Variants in FRAS1 observed in about 807,000 individuals in gnomAD.
FRAS1 encodes Fraser extracellular matrix complex subunit 1, also known as extracellular matrix organizing protein FRAS1.
In FRAS1, 290 loss-of-function variants were observed where a neutral mutation model predicts 435.2. That is an observed-to-expected ratio of 0.67 (90% CI 0.61 to 0.73). The LOEUF is 0.73. Ranked by LOEUF, FRAS1 falls within the 30% of genes least tolerant of loss-of-function variation. The probability of loss-of-function intolerance (pLI) is 0.00; values close to 1 mark genes in which losing one functional copy is unlikely to be tolerated. For missense variants in FRAS1, 4,860 were observed against 5,001.5 expected, an observed-to-expected ratio of 0.97 and a Z score of 0.85; for synonymous variants, 1,800 against 1,851.0, an observed-to-expected ratio of 0.97 and a Z score of 0.71.
chr4:78,281,559 G>T (rs796971678), intron 11 of FRAS1, 126 bp downstream of exon 11: 19 of 558,832 alleles, frequency 3.4e-5, no homozygotes, highest in African/African-American at 3.2e-4. Flanking sequence ...ATGGCACTAT[G>T]ATCAGGAATT....
chr4:78,507,351 C>A, intron 61 of FRAS1, 70 bp from the exon 62 acceptor site: 1 of 1,357,748 alleles, frequency 7.4e-7, no homozygotes, highest in South Asian at 1.5e-5. Context: ...TCAGCAGTGC[C>A]AAGCTGCACT....
At chr4:78,329,025 C>T (rs72866348) in intron 18 of FRAS1, among the ~76,000 whole-genome samples, 5,969 of 152,158 alleles carry the variant, frequency 0.039, 323 homozygotes, top group African/African-American at 0.12. Context: ...GTCTGAACTG[C>T]GAGTATGGGA....
rs201435464 is a variant in FRAS1, at chr4:78,372,771, C to A, written c.2923C>A (p.Gln975Lys). ...TGGGCCCCTGAAAACAGACTGCCTGCAGTGCATGGATGGCTATGTTCTCCA... is the reference window on the plus strand; with the variant it reads ...TGGGCCCCTGAAAACAGACTGCCTGAAGTGCATGGATGGCTATGTTCTCCA... ...CSGPLKTDCL[Q>K]CMDGYVLQDG... The change falls in exon 24 of 74, where the codon CAG becomes AAG. Residue 975 changes from glutamine (Q) to lysine (K), a missense_variant. Gln to Lys is a moderately conservative substitution (Grantham distance 53). Transcript: ENST00000512123. 26 of 1,613,164 alleles carry A rather than the reference C, an allele frequency of 1.6e-5. No homozygotes were observed. In the African/African-American group the frequency reaches 2.9e-4, roughly 18 times the overall value.
At chr4:78,474,350 A>G (rs1481996212) in intron 53 of FRAS1, among the ~76,000 whole-genome samples, 1 of 152,202 alleles carries the variant, frequency 6.6e-6, no homozygotes, top group Non-Finnish European at 1.5e-5. Flanking sequence ...AATATTCTTT[A>G]AGTCTACATT....
chr4:78,115,073 A>AC (rs1743052020), intron 2 of FRAS1, among the ~76,000 whole-genome samples: 2 of 152,002 alleles, frequency 1.3e-5, no homozygotes, highest in African/African-American at 4.8e-5. Flanking sequence ...CCTTTTCTGC[A>AC]CTATTGAGAT....
At chr4:78,473,370 G>A (rs1719765048) in intron 52 of FRAS1, 68 bp from the exon 53 acceptor site, 3 of 1,270,894 alleles carry the variant, frequency 2.4e-6, no homozygotes, top group Non-Finnish European at 3.3e-6. Flanking sequence ...TAGGTTTGTT[G>A]GTGTGGTAAT....
intron 22 of FRAS1, among the ~76,000 whole-genome samples, chr4:78,368,680 A>G (rs1731376979): frequency 6.6e-6 from 1 of 152,224 alleles, no homozygotes; most frequent in Non-Finnish European, 1.5e-5. Flanking sequence ...GGAAATTGCT[A>G]TACATGGCAT....
At chr4:78,521,917 G>T (rs1013536962) in intron 68 of FRAS1, among the ~76,000 whole-genome samples, 4 of 152,034 alleles carry the variant, frequency 2.6e-5, no homozygotes, top group Admixed American at 2.6e-4. Flanking sequence ...ACGATATTTA[G>T]CATTGATTCA....
chr4:78,184,112 G>A (rs1423345823), intron 2 of FRAS1, among the ~76,000 whole-genome samples: 1 of 152,098 alleles, frequency 6.6e-6, no homozygotes, highest in Non-Finnish European at 1.5e-5. Context: ...ACACTGCTCT[G>A]GGTTGATTAT....
chr4:78,212,804 A>C (rs1437686542), intron 2 of FRAS1, among the ~76,000 whole-genome samples: 2 of 152,232 alleles, frequency 1.3e-5, no homozygotes, highest in Non-Finnish European at 2.9e-5. Context: ...CTGAGAAATA[A>C]GTTCTGGAAT....
chr4:78,337,623 A>G, intron 19 of FRAS1, 51 bp from the exon 20 acceptor site: 4 of 1,582,598 alleles, frequency 2.5e-6, no homozygotes, highest in South Asian at 2.3e-5. Flanking sequence ...TACTTCACGC[A>G]TATACATGCT....
rs140017022 is a variant in FRAS1, at chr4:78,263,445, C to T, written c.604-1580C>T. Among the ~76,000 whole-genome samples, 26 of 152,320 alleles carry T rather than the reference C, an allele frequency of 1.7e-4. No individual in the cohort carries two copies. In the East Asian group the frequency reaches 4.4e-3, roughly 26 times the overall value. On this transcript the variant is annotated intron_variant, in intron 6 of 73. Transcript: ENST00000512123. ...ATACCTCCCTCCCTGCATACGCTCA[C>T]GGGGACTCTGCTACAGTTCTTGAGT...
chr4:78,195,093 G>C (rs1722741879), intron 2 of FRAS1, among the ~76,000 whole-genome samples: 2 of 152,168 alleles, frequency 1.3e-5, no homozygotes, highest in African/African-American at 4.8e-5. Flanking sequence ...AGTGGATATT[G>C]GTGAACAGCA....
At chr4:78,409,088 T>C (rs1473145141) in intron 31 of FRAS1, among the ~76,000 whole-genome samples, 1 of 135,284 alleles carries the variant, frequency 7.4e-6, no homozygotes, top group African/African-American at 2.9e-5. Context: ...CACTGCACTC[T>C]AGCCTGGATG....
At chr4:78,528,385 G>A (rs1373310163) in intron 70 of FRAS1, among the ~76,000 whole-genome samples, 4 of 152,160 alleles carry the variant, frequency 2.6e-5, no homozygotes, top group Middle Eastern at 3.2e-3. Context: ...TTTCCAAAAA[G>A]ATTCCTCGTG....
intron 2 of FRAS1, among the ~76,000 whole-genome samples, chr4:78,115,734 G>C (rs1485195047): frequency 6.6e-6 from 1 of 151,412 alleles, no homozygotes; most frequent in Non-Finnish European, 1.5e-5. Context: ...TTCTTTATTA[G>C]TCTTGATAGT....
chr4:78,432,276 G>A (rs922025783), intron 37 of FRAS1, 81 bp from the exon 38 acceptor site: 31 of 1,392,716 alleles, frequency 2.2e-5, no homozygotes, highest in Non-Finnish European at 3.0e-5. Flanking sequence ...GAACCTTAAA[G>A]TCCTGAAAAC....
intron 2 of FRAS1, among the ~76,000 whole-genome samples, chr4:78,225,633 G>A (rs1295219022): frequency 6.6e-6 from 1 of 152,190 alleles, no homozygotes; most frequent in Non-Finnish European, 1.5e-5. Context: ...ATCTGGGTTA[G>A]ACTGTATTCA....
At chr4:78,145,830 C>T (rs1720396805) in intron 2 of FRAS1, among the ~76,000 whole-genome samples, 2 of 152,040 alleles carry the variant, frequency 1.3e-5, no homozygotes, top group South Asian at 4.1e-4. Context: ...ATCACGGGGG[C>T]GGTTTCCCCC....
Sources: allele counts gnomAD v4.1 joint callset (sites outside exome capture counted in the v4.1 genomes callset), GRCh38; gene constraint gnomAD v4.1.1; transcripts MANE v1.5; gene names NCBI Gene and HGNC (gene_info 2026-07-23, HGNC 2026-07-21).